CNTLN: variants seen among roughly 807,000 people sequenced by gnomAD.
The protein encoded by CNTLN is centlein.
Under a neutral mutation model 180.0 loss-of-function variants are expected in CNTLN, and 212 were observed. The ratio of observed to expected loss-of-function variants is 1.18; its 90% confidence interval spans 1.05 to 1.32. The LOEUF is 1.32. Ranked by LOEUF, CNTLN falls within the 40% of genes most tolerant of loss-of-function variation. The probability of loss-of-function intolerance (pLI) is 0.00; values close to 1 mark genes in which losing one functional copy is unlikely to be tolerated. For missense variants in CNTLN, 2,095 were observed against 1,610.9 expected (o/e 1.30, Z -5.14); for synonymous variants, 722 against 563.1 (o/e 1.28, Z -3.99).
chr9:17,228,500 G>T (rs1409963320), intron 3 of CNTLN, among the ~76,000 whole-genome samples: 1 of 152,050 alleles, frequency 6.6e-6, no homozygotes, highest in African/African-American at 2.4e-5. Flanking sequence ...ATTATCCTGT[G>T]ATGGTGTTGT....
At chr9:17,193,645 G>C (rs532921239) in intron 2 of CNTLN, among the ~76,000 whole-genome samples, 1 of 152,260 alleles carries the variant, frequency 6.6e-6, no homozygotes, top group Non-Finnish European at 1.5e-5. Context: ...TTCACGGGCT[G>C]GCATCGAGTG....
chr9:17,517,815 C>T, the CNTLN span, among the ~76,000 whole-genome samples: 7 of 152,064 alleles, frequency 4.6e-5, no homozygotes, highest in African/African-American at 1.4e-4. Flanking sequence ...TTGGTTATGG[C>T]AGCCCTGGGA....
chr9:17,199,851 C>T (rs904033432), intron 2 of CNTLN, among the ~76,000 whole-genome samples: 6 of 152,156 alleles, frequency 3.9e-5, no homozygotes, highest in African/African-American at 1.4e-4. Flanking sequence ...AATTAGATCC[C>T]ATTTGTCAAT....
In CNTLN at chr9:17,503,863, A is replaced by G. The variant is rs1484946429; in HGVS notation, c.*1211A>G. On this transcript the variant is annotated 3_prime_UTR_variant, in exon 26 of 26. Transcript: ENST00000380647. ...CAAAAGGAGAATAATATTTTGTAGC[A>G]TGTGAAAATTATATAAAATTCAAAT... is the stretch of plus-strand genomic sequence containing the variant. The G allele has an allele frequency of 6.6e-6, 1 of 152,648 alleles. No homozygotes were observed. Among genetic ancestry groups the G allele is most frequent in the Non-Finnish European group, 1.5e-5 (1 of 68,046 alleles). The allele number at this position is 152,648 out of a possible 1,614,324, so 9.5% of individuals were successfully genotyped here.
At chr9:17,292,212 C>G (rs1337673992) in intron 6 of CNTLN, among the ~76,000 whole-genome samples, 1 of 152,112 alleles carries the variant, frequency 6.6e-6, no homozygotes, top group Non-Finnish European at 1.5e-5. Context: ...TCTCCCCTTT[C>G]TCTCTGGCTG....
At chr9:17,526,831 G>C in the CNTLN span, among the ~76,000 whole-genome samples, 13 of 151,792 alleles carry the variant, frequency 8.6e-5, no homozygotes, top group African/African-American at 2.4e-4. Flanking sequence ...CAATTTTTCA[G>C]TTAAGTCACC....
intron 16 of CNTLN, among the ~76,000 whole-genome samples, chr9:17,409,769 T>A (rs529743619): frequency 1.3e-5 from 2 of 152,248 alleles, no homozygotes; most frequent in South Asian, 4.1e-4. Context: ...TTCCAAATGA[T>A]GAAACTTCTT....
At chr9:17,146,585 C>T (rs1170460402) in intron 2 of CNTLN, among the ~76,000 whole-genome samples, 1 of 152,090 alleles carries the variant, frequency 6.6e-6, no homozygotes, top group Admixed American at 6.5e-5. Flanking sequence ...CAGAAGGTGT[C>T]ATTTACATGG....
At chr9:17,160,926 C>T (rs1398661197) in intron 2 of CNTLN, among the ~76,000 whole-genome samples, 1 of 152,040 alleles carries the variant, frequency 6.6e-6, no homozygotes, top group East Asian at 1.9e-4. Context: ...GATTGTCAGA[C>T]CCTCTGAAAA....
At chr9:17,266,620 T>C (rs11543983) in intron 5 of CNTLN, among the ~76,000 whole-genome samples, 35,031 of 151,946 alleles carry the variant, frequency 0.23, 4,743 homozygotes, top group South Asian at 0.36. Context: ...GTTGATCTGT[T>C]TAGTGTTGAC....
chr9:17,222,342 G>T (rs1024122925), intron 2 of CNTLN, among the ~76,000 whole-genome samples: 1 of 151,946 alleles, frequency 6.6e-6, no homozygotes, highest in Non-Finnish European at 1.5e-5. Flanking sequence ...ATATGGTTAG[G>T]CTCTGCGTCT....
intron 15 of CNTLN, among the ~76,000 whole-genome samples, chr9:17,407,586 C>T (rs748421278): frequency 1.3e-5 from 2 of 152,028 alleles, no homozygotes; most frequent in African/African-American, 2.4e-5. Context: ...TTGCACTGTA[C>T]AATGGGAGAA....
In CNTLN at chr9:17,402,153, C is replaced by T. The variant is rs1331012168; in HGVS notation, c.2615+7084C>T. ...TGCGATTTCTGTTGACAACTGTTCT[C>T]TATTCAAAAAGCTAGTACTACTGGG... On this transcript the variant is annotated intron_variant, in intron 15 of 25. Transcript: ENST00000380647. Among the ~76,000 whole-genome samples the T allele has an allele frequency of 1.3e-5, 2 of 151,778 alleles. 1 individual carries two copies. The highest frequency in any genetic ancestry group is 4.9e-5 in the African/African-American group (2 of 41,136).
intron 18 of CNTLN, among the ~76,000 whole-genome samples, chr9:17,433,385 A>G (rs1232686768): frequency 6.6e-6 from 1 of 151,652 alleles, no homozygotes; most frequent in African/African-American, 2.4e-5. Flanking sequence ...CCTGGGTTCA[A>G]GCGATTCTCC....
intron 3 of CNTLN, among the ~76,000 whole-genome samples, chr9:17,226,738 T>C (rs888639287): frequency 2.0e-5 from 3 of 151,924 alleles, no homozygotes; most frequent in Non-Finnish European, 4.4e-5. Flanking sequence ...AACTGGGTAA[T>C]TAATAAGAAA....
chr9:17,441,573 G>C (rs1312215042), intron 18 of CNTLN, among the ~76,000 whole-genome samples: 2 of 148,682 alleles, frequency 1.3e-5, no homozygotes, highest in Non-Finnish European at 3.0e-5. Flanking sequence ...AAGTGAAAAA[G>C]GAGTCAAAAC....
intron 12 of CNTLN, among the ~76,000 whole-genome samples, chr9:17,354,728 C>T (rs1822681592): frequency 6.6e-6 from 1 of 152,074 alleles, no homozygotes; most frequent in Admixed American, 6.5e-5. Flanking sequence ...GTGGGTGGGG[C>T]CAGATAAGAG....
At chr9:17,510,593 A>C in the CNTLN span, among the ~76,000 whole-genome samples, 1 of 152,222 alleles carries the variant, frequency 6.6e-6, no homozygotes, top group East Asian at 1.9e-4. Context: ...GAAAAAGACT[A>C]CTGTCCCCCA....
intron 2 of CNTLN, among the ~76,000 whole-genome samples, chr9:17,202,167 G>C (rs934993499): frequency 3.9e-5 from 6 of 152,188 alleles, no homozygotes; most frequent in African/African-American, 1.4e-4. Context: ...TTCATCCTGA[G>C]TTCTAATTTG....
Sources: allele counts gnomAD v4.1 joint callset (sites outside exome capture counted in the v4.1 genomes callset), GRCh38; gene constraint gnomAD v4.1.1; transcripts MANE v1.5; gene names NCBI Gene and HGNC (gene_info 2026-07-23, HGNC 2026-07-21).